Variants in GSG1L2 observed in about 807,000 individuals in gnomAD.
GSG1L2 encodes the protein GSG1 like 2.
A neutral mutation model predicts 9.0 loss-of-function variants in GSG1L2; 15 were observed. The ratio of observed to expected loss-of-function variants is 1.67; its 90% CI spans 1.12 to 2.57. The LOEUF (loss-of-function observed/expected upper bound fraction) is 2.57, where lower values mean the gene tolerates loss of function less well. Ranked by LOEUF, GSG1L2 falls within the 30% of genes most tolerant of loss-of-function variation. The pLI is 0.00. For synonymous variants in GSG1L2, 127 were observed against 57.9 expected (o/e 2.19, Z -5.41); for missense variants, 286 against 150.3 (o/e 1.90, Z -4.72).
chr17:9,811,668 C>G (rs542632907), intron 1 of GSG1L2, among the ~76,000 whole-genome samples: 1 of 152,172 alleles, frequency 6.6e-6, no homozygotes, highest in African/African-American at 2.4e-5. Flanking sequence ...GTGGGAGGAG[C>G]CTGGGAAATC....
intron 1 of GSG1L2, among the ~76,000 whole-genome samples, chr17:9,816,599 T>A (rs1567711326): frequency 9.8e-6 from 1 of 101,934 alleles, no homozygotes; most frequent in Non-Finnish European, 1.9e-5. Context: ...CGTGTCTGTG[T>A]GTCTGTGTGT....
chr17:9,808,699 G>A (rs1237045792), intron 3 of GSG1L2, 131 bp downstream of exon 3: 14 of 588,654 alleles, frequency 2.4e-5, no homozygotes, highest in Non-Finnish European at 4.3e-5. Flanking sequence ...CTTATCCAGG[G>A]GACCACCCGC....
At chr17:9,818,786 GC>G (rs34171382) in intron 1 of GSG1L2, among the ~76,000 whole-genome samples, 84,663 of 151,474 alleles carry the variant, frequency 0.56, 25,323 homozygotes, top group East Asian at 0.99. Context: ...TCTAACAAAG[GC>G]GGATGACTTT....
intron 1 of GSG1L2, among the ~76,000 whole-genome samples, chr17:9,818,611 C>A (rs539803156): frequency 6.7e-6 from 1 of 149,414 alleles, no homozygotes; most frequent in African/African-American, 2.4e-5. Context: ...CCACCTTGGC[C>A]TCCCAAAGTG....
At chr17:9,809,401 CAA>C (rs2152022998) in intron 2 of GSG1L2, 1 of 210,554 alleles carries the variant, frequency 4.7e-6, no homozygotes, top group African/African-American at 2.3e-5. Flanking sequence ...GGCACAGACC[CAA>C]AGAGTGAGCG....
chr17:9,805,410 C>A (rs115145799), intron 4 of GSG1L2: 1 of 152,230 alleles, frequency 6.6e-6, no homozygotes, highest in Non-Finnish European at 1.5e-5. Context: ...GAATCAGAAT[C>A]GTGTTGGACT....
In GSG1L2 at chr17:9,816,904, G is replaced by GTGTCTC. The variant is rs1480739855; in HGVS notation, c.310+4857_310+4858insGAGACA. On this transcript the variant is annotated intron_variant, in intron 1 of 4. Coordinates refer to ENST00000399363, the MANE Select transcript of GSG1L2 (RefSeq NM_001310219.2). The stretch of plus-strand genomic sequence containing the variant: ...TATCTGTGTGTGTGTATCTGTGTGT[G>GTGTCTC]TGTATCTGTGTGTGTGTGTGTGTGT... 1.8e-3 allele frequency among the ~76,000 whole-genome samples: 157 copies of GTGTCTC among 86,132 alleles called. 1 individual carries two copies. The Middle Eastern group carries it at 0.02, about 11-fold the overall frequency. The allele number at this position is 86,132 out of a possible 152,430, so 56.5% of individuals were successfully genotyped here.
intron 3 of GSG1L2, 122 bp downstream of exon 3, chr17:9,808,708 G>A (rs72822122): frequency 0.46 from 276,300 of 606,502 alleles, 63,633 homozygotes; most frequent in Middle Eastern, 0.56. Context: ...GGGACCACCC[G>A]CCCTGCTTAA....
chr17:9,803,192 C>T (rs574371451), intron 4 of GSG1L2, among the ~76,000 whole-genome samples: 2 of 151,356 alleles, frequency 1.3e-5, no homozygotes, highest in East Asian at 3.9e-4. Flanking sequence ...CAACCTCTGC[C>T]TCCCGGTTCA....
intron 1 of GSG1L2, among the ~76,000 whole-genome samples, chr17:9,813,272 G>C (rs1339968368): frequency 1.3e-5 from 2 of 152,206 alleles, no homozygotes; most frequent in East Asian, 3.9e-4. Flanking sequence ...CTGAGCTATA[G>C]GGAGAAGAGA....
At chr17:9,806,861 T>C (rs1433693590) in intron 4 of GSG1L2, among the ~76,000 whole-genome samples, 1 of 152,190 alleles carries the variant, frequency 6.6e-6, no homozygotes, top group African/African-American at 2.4e-5. Context: ...ACGAAGCATA[T>C]GGCTCACAGT....
rs1370620750 is a variant in GSG1L2, at chr17:9,820,510, A to T, written c.310+1252T>A. On this transcript the variant is annotated intron_variant, in intron 1 of 4. Coordinates refer to ENST00000399363, the MANE Select transcript of GSG1L2 (RefSeq NM_001310219.2). This position sits in a 1 kb window ranked among gnomAD's most constrained non-coding sequence, Gnocchi z 4.9. Reference sequence around the variant, plus strand: ...GTCCTAAATAGCCTTAGCTCCAGGCACTATTGCAGTGTCTGTACCACACTT... The same window carrying T: ...GTCCTAAATAGCCTTAGCTCCAGGCTCTATTGCAGTGTCTGTACCACACTT... Among the ~76,000 whole-genome samples the T allele has an allele frequency of 6.6e-6, 1 of 152,154 alleles. No individual in the cohort carries two copies. Among genetic ancestry groups the T allele is most frequent in the Admixed American group, 6.5e-5 (1 of 15,274 alleles).
intron 1 of GSG1L2, among the ~76,000 whole-genome samples, chr17:9,814,537 G>T (rs892721327): frequency 3.3e-5 from 5 of 152,218 alleles, no homozygotes; most frequent in Non-Finnish European, 5.9e-5. Flanking sequence ...GAGATTAAGA[G>T]AATTCAGAAT....
chr17:9,812,135 G>C (rs970549414), intron 1 of GSG1L2, among the ~76,000 whole-genome samples: 2 of 152,198 alleles, frequency 1.3e-5, no homozygotes, highest in Non-Finnish European at 2.9e-5. Context: ...CATTTTTGCA[G>C]TGGTTAGCAT....
rs990009246 is a variant in GSG1L2, at chr17:9,821,903, G to A, written c.169C>T (p.Arg57Trp). Residue 57 changes from arginine (R) to tryptophan (W), a missense_variant, in exon 1 of 5, where the codon CGG becomes TGG. Coordinates refer to ENST00000399363, the MANE Select transcript of GSG1L2 (RefSeq NM_001310219.2). The part of the protein sequence containing the change: ...PGGQHCIHFK[R>W]DNSSNGRMDN... ...ATCCTGCCATTGCTGCTGTTGTCCC[G>A]TTTGAAGTGAATGCAGTGCTGCCCT... is the stretch of plus-strand genomic sequence containing the variant. The A allele has an allele frequency of 2.6e-5, 18 of 703,194 alleles. No homozygotes were observed. The highest frequency in any genetic ancestry group is 6.0e-5 in the Admixed American group (3 of 50,008). The allele number at this position is 703,194 out of a possible 1,614,324, so 43.6% of individuals were successfully genotyped here.
intron 1 of GSG1L2, 133 bp from the exon 2 acceptor site, chr17:9,810,751 C>A: frequency 1.5e-6 from 1 of 652,804 alleles, no homozygotes. Flanking sequence ...GGGACATGAG[C>A]TGCTCCTCTG....
rs1453338090 is a variant in GSG1L2, at chr17:9,816,364, G to GTGTGTGTC, written c.310+5397_310+5398insGACACACA. 5.6e-5 allele frequency among the ~76,000 whole-genome samples: 6 copies of GTGTGTGTC among 106,350 alleles called. No individual in the cohort carries two copies. The East Asian group carries it at 0.032, about 572-fold the overall frequency. The allele number at this position is 106,350 out of a possible 152,430, so 69.8% of individuals were successfully genotyped here. On this transcript the variant is annotated intron_variant, in intron 1 of 4. Transcript: ENST00000399363. ...AAAATGTGCACGTGCACGCGTATGC[G>GTGTGTGTC]TGTGTCTGTGTGTGTGCGTGTGTGT...
intron 3 of GSG1L2, among the ~76,000 whole-genome samples, chr17:9,808,077 C>T (rs1251559261): frequency 2.0e-5 from 3 of 151,996 alleles, no homozygotes; most frequent in African/African-American, 7.2e-5. Flanking sequence ...TTAAAAGGGA[C>T]TTTAAAAAAA....
rs1375923631 is a variant in GSG1L2, at chr17:9,808,962, C to T, written c.379G>A (p.Gly127Arg). ...EEQGVLWLSIGGEVLDIVLIL... is the reference protein window; with the variant it reads ...EEQGVLWLSIRGEVLDIVLIL... ...AGAACGATATCCAGGACCTCGCCCC[C>T]GATGGACAGCCACAAAACACCTGCC... The change falls in exon 3 of 5, where the codon GGG (glycine) becomes AGG (arginine). Residue 127 changes from glycine to arginine, a missense_variant. By Grantham distance (125) the Gly-to-Arg change is moderately radical. Transcript: ENST00000399363. 3.6e-5 allele frequency: 25 copies of T among 702,884 alleles called. No homozygotes were observed. The highest frequency in any genetic ancestry group is 5.4e-5 in the East Asian group (2 of 37,296). 43.5% of individuals were successfully genotyped at this position (702,884 alleles called of 1,614,324 possible).
Sources: allele counts gnomAD v4.1 joint callset (sites outside exome capture counted in the v4.1 genomes callset), GRCh38; gene constraint gnomAD v4.1.1; non-coding constraint Gnocchi (gnomAD v3.1); transcripts MANE v1.5; gene names NCBI Gene and HGNC (gene_info 2026-07-23, HGNC 2026-07-21).